The following CHKA variants were observed in gnomAD, a reference collection of about 807,000 sequenced individuals.
CHKA encodes the protein CHETK-alpha.
Under a neutral mutation model 60.1 loss-of-function variants are expected in CHKA, and 34 were observed. That is an observed-to-expected ratio of 0.57 (90% CI 0.43 to 0.75). The LOEUF is 0.75. Among genes scored for constraint, CHKA ranks in the 30% least tolerant of loss-of-function variants. The pLI is 0.00. For missense variants in CHKA, 563 were observed against 561.3 expected, an observed-to-expected ratio of 1.00 and a Z score of -0.03; for synonymous variants, 217 against 223.1, an observed-to-expected ratio of 0.97 and a Z score of 0.24.
intron 3 of CHKA, among the ~76,000 whole-genome samples, chr11:68,077,028 AG>A (rs1258964143): frequency 6.6e-6 from 1 of 152,166 alleles, no homozygotes; most frequent in African/African-American, 2.4e-5. Context: ...ACCTGAGGTC[AG>A]GAGTTTGAGA....
Position 68,064,676 on chromosome 11 carries a change from G to A in CHKA, c.1126-45C>T, listed in dbSNP as rs574694526. On this transcript the variant is annotated intron_variant, in intron 9 of 11. Transcript: ENST00000265689. ...GTTAGGATCAATGATGGTTAAAATA[G>A]ACAATGTCAATAGCTGTCACTAAGC... 24 of 1,154,762 alleles carry A rather than the reference G, an allele frequency of 2.1e-5. No individual in the cohort carries two copies. In the East Asian group the frequency reaches 5.2e-4, roughly 25 times the overall value. The allele number at this position is 1,154,762 out of a possible 1,614,324, so 71.5% of individuals were successfully genotyped here.
At chr11:68,108,313 C>G (rs1857993924) in intron 1 of CHKA, among the ~76,000 whole-genome samples, 1 of 151,972 alleles carries the variant, frequency 6.6e-6, no homozygotes. Context: ...GAGCAAGACC[C>G]TGTCTCAAAA....
chr11:68,088,113 A>C (rs1234570448), intron 2 of CHKA, among the ~76,000 whole-genome samples: 3 of 41,220 alleles, frequency 7.3e-5, no homozygotes, highest in Non-Finnish European at 1.8e-4. Flanking sequence ...GCTGTCTCAA[A>C]AAAAAAAAAA....
chr11:68,065,884 T>C lies in CHKA; in HGVS notation c.1027A>G (p.Ile343Val). The part of the protein sequence containing the change: ...YSSYNYRGFD[I>V]GNHFCEWMYD... The stretch of plus-strand genomic sequence containing the variant: ...ATCCACTCACAGAAGTGATTTCCAA[T>C]GTCGAATCCCCTGAAATAAGACATA... Residue 343 changes from isoleucine to valine, a missense_variant, in exon 9 of 12, where the codon ATT (isoleucine) becomes GTT (valine). Physicochemically the swap from Ile to Val is conservative, Grantham distance 29 (BLOSUM62 3). Transcript: ENST00000265689. 6.3e-7 allele frequency: 1 copy of C among 1,598,570 alleles called. No individual in the cohort carries two copies. The highest frequency in any genetic ancestry group is 1.1e-5 in the South Asian group (1 of 90,736).
chr11:68,109,078 T>C (rs943730691), intron 1 of CHKA, among the ~76,000 whole-genome samples: 2 of 151,414 alleles, frequency 1.3e-5, no homozygotes, highest in East Asian at 1.9e-4. Context: ...CTTTCCTTTT[T>C]TCTTTTCCTT....
Position 68,064,540 on chromosome 11 carries a change from A to C in CHKA, c.1217T>G (p.Leu406Trp), listed in dbSNP as rs1856375329. The stretch of plus-strand genomic sequence containing the variant: ...AAAATGTTACCTATTAACTTCAAGC[A>C]ACATTTCTTCTTTTATAATGGATTT... Reference protein sequence around the residue: ...EEKSIIKEEMLLEVNRFALAS... With the variant: ...EEKSIIKEEMWLEVNRFALAS... Residue 406 changes from leucine to tryptophan, a missense_variant, in exon 10 of 12, where the codon TTG (leucine) becomes TGG (tryptophan). By Grantham distance (61) the Leu-to-Trp change is moderately conservative. Coordinates refer to ENST00000265689, the MANE Select transcript of CHKA (RefSeq NM_001277.3). The C allele has an allele frequency of 7.1e-6, 11 of 1,559,012 alleles. No homozygotes were observed. Among genetic ancestry groups the C allele is most frequent in the African/African-American group, 1.4e-5 (1 of 72,488 alleles).
At chr11:68,070,073 T>C in intron 6 of CHKA, 116 bp downstream of exon 6, 1 of 782,538 alleles carries the variant, frequency 1.3e-6, no homozygotes, top group Non-Finnish European at 2.2e-6. Context: ...TGGTTTAAAT[T>C]CATCCTGTAA....
At position 68,120,891 on chromosome 11, in the gene CHKA, T is replaced by C. The variant is rs530664707; in HGVS notation, c.287A>G (p.Lys96Arg). Residue 96 changes from lysine to arginine, a missense_variant, in exon 1 of 12, where the codon AAG becomes AGG. Transcript: ENST00000265689. ...RTRRRAYLWC[K>R]EFLPGAWRGL... is the part of the protein sequence containing the mutation. ...CCGCCAGGCGCCGGGCAGGAACTCC[T>C]TGCACCACAGATAGGCCCTGCGCCG... is the stretch of plus-strand genomic sequence containing the variant. 1.3e-4 allele frequency: 170 copies of C among 1,342,776 alleles called. 2 individuals carry two copies. The South Asian group carries it at 2.0e-3, about 16-fold the overall frequency. The allele number at this position is 1,342,776 out of a possible 1,614,324, so 83.2% of individuals were successfully genotyped here. A position where few individuals can be genotyped will look rare whatever the true frequency, so the allele number is the denominator to read the frequency against.
intron 2 of CHKA, among the ~76,000 whole-genome samples, chr11:68,092,801 T>C (rs1319125865): frequency 1.3e-5 from 2 of 152,192 alleles, no homozygotes; most frequent in Non-Finnish European, 2.9e-5. Context: ...TTCCTAAGTT[T>C]AAACTACAAC....
chr11:68,070,106 T>C, intron 6 of CHKA, 83 bp downstream of exon 6: 1 of 1,002,322 alleles, frequency 1.0e-6, no homozygotes, highest in Non-Finnish European at 1.6e-6. Flanking sequence ...ATGCCAGACA[T>C]AAGGCAAGCT....
At chr11:68,058,268 GTCT>G (rs1856099939) in intron 11 of CHKA, among the ~76,000 whole-genome samples, 1 of 152,192 alleles carries the variant, frequency 6.6e-6, no homozygotes, top group African/African-American at 2.4e-5. Context: ...GGTAGTAGAA[GTCT>G]TCTTTGTTCT....
At chr11:68,058,201 A>AT (rs1346839888) in intron 11 of CHKA, among the ~76,000 whole-genome samples, 11 of 152,188 alleles carry the variant, frequency 7.2e-5, no homozygotes, top group Non-Finnish European at 1.5e-4. Flanking sequence ...GATTTACATT[A>AT]CTTATGCCAC....
At position 68,061,954 on chromosome 11, in the gene CHKA, A is replaced by T; in HGVS notation, c.1313T>A (p.Met438Lys). 2 of 1,583,924 alleles carry T rather than the reference A, an allele frequency of 1.3e-6. No individual in the cohort carries two copies. Among genetic ancestry groups the T allele is most frequent in the Non-Finnish European group, 1.7e-6 (2 of 1,163,372 alleles). Residue 438 changes from methionine (M) to lysine (K), a missense_variant and splice_region_variant, in exon 11 of 12, where the codon ATG (methionine) becomes AAG (lysine). Transcript: ENST00000265689. ...AACAAAAACGCTGCTAAAACATACCATGTACCCAAATTCAATAGATGAAAT... is the reference window on the plus strand; with the variant it reads ...AACAAAAACGCTGCTAAAACATACCTTGTACCCAAATTCAATAGATGAAAT... Reference protein sequence around the residue: ...AKISSIEFGYMDYAQARFDAY... With the variant: ...AKISSIEFGYKDYAQARFDAY...
At chr11:68,092,780 G>A (rs1857389238) in intron 2 of CHKA, among the ~76,000 whole-genome samples, 1 of 152,056 alleles carries the variant, frequency 6.6e-6, no homozygotes, top group Non-Finnish European at 1.5e-5. Context: ...TGAGACTCTA[G>A]GCTTCATGGT....
chr11:68,121,030 C>A lies in CHKA; in HGVS notation c.148G>T (p.Gly50Cys), dbSNP rs1263361013. 8.1e-6 allele frequency: 9 copies of A among 1,106,988 alleles called. No individual in the cohort carries two copies. In the East Asian group the frequency reaches 3.6e-4, roughly 45 times the overall value. The allele number at this position is 1,106,988 out of a possible 1,614,324, so 68.6% of individuals were successfully genotyped here. The change falls in exon 1 of 12, where the codon GGC (glycine) becomes TGC (cysteine). Residue 50 changes from glycine to cysteine, a missense_variant. Transcript: ENST00000265689. ...GGCAGCGCGAGCGGCGGCTGTTGGC[C>A]GCCCAGCTGCTTGGACTCGAGGTCG... ...ASDLESKQLG[G>C]QQPPLALPPP... is the part of the protein sequence containing the mutation.
chr11:68,074,011 G>T (rs1444668877), intron 4 of CHKA, among the ~76,000 whole-genome samples: 1 of 152,134 alleles, frequency 6.6e-6, no homozygotes, highest in Non-Finnish European at 1.5e-5. Context: ...AACACTTAGG[G>T]TTCATGAGAA....
At position 68,097,544 on chromosome 11, in the gene CHKA, G is replaced by A. The variant is rs138146564; in HGVS notation, c.351-414C>T. ...CCAGCAACTCAGGAGGCTGAGGCAG[G>A]AGAATGGCATGAACCCGGGAGGCGA... On this transcript the variant is annotated intron_variant, in intron 1 of 11. Transcript: ENST00000265689. Among the ~76,000 whole-genome samples, 948 of 151,118 alleles carry A rather than the reference G, an allele frequency of 6.3e-3. 13 individuals carry two copies. Among genetic ancestry groups the A allele is most frequent in the African/African-American group, 0.021 (879 of 41,056 alleles).
intron 1 of CHKA, among the ~76,000 whole-genome samples, chr11:68,102,403 C>T (rs1457501373): frequency 6.6e-6 from 1 of 152,166 alleles, no homozygotes; most frequent in Non-Finnish European, 1.5e-5. Flanking sequence ...AATTAATCCA[C>T]ACTTACAGCT....
Position 68,091,641 on chromosome 11 carries a change from T to C in CHKA, c.462+5378A>G, listed in dbSNP as rs182371670. 3.9e-5 allele frequency among the ~76,000 whole-genome samples: 6 copies of C among 152,358 alleles called. No individual in the cohort carries two copies. The East Asian group carries it at 1.2e-3, about 29-fold the overall frequency. ...TGGAGCTGAACCCAATCAGAAAGTTTTACCTTGGCTTTCTGGCACTTAACC... is the reference window on the plus strand; with the variant it reads ...TGGAGCTGAACCCAATCAGAAAGTTCTACCTTGGCTTTCTGGCACTTAACC... On this transcript the variant is annotated intron_variant, in intron 2 of 11. Coordinates refer to ENST00000265689, the MANE Select transcript of CHKA (RefSeq NM_001277.3).
Sources: gnomAD v4.1 joint callset for allele counts (sites outside exome capture counted in the v4.1 genomes callset) on GRCh38, gnomAD v4.1.1 for gene constraint, MANE v1.5 for transcripts, NCBI Gene and HGNC (gene_info 2026-07-23, HGNC 2026-07-21) for gene names.